Variants in GLYATL2 observed in about 807,000 individuals in gnomAD.
GLYATL2 encodes the protein glycine-N-acyltransferase like 2.
A neutral mutation model predicts 21.4 loss-of-function variants in GLYATL2; 25 were observed. That is an observed-to-expected ratio of 1.17 (90% CI 0.85 to 1.63). The LOEUF (loss-of-function observed/expected upper bound fraction) is 1.63. Among genes scored for constraint, GLYATL2 ranks in the 40% most tolerant of loss-of-function variants. GLYATL2 has a pLI of 0.00. For missense variants in GLYATL2, 361 were observed against 343.3 expected, an observed-to-expected ratio of 1.05 and a Z score of -0.41; for synonymous variants, 114 against 118.2, an observed-to-expected ratio of 0.96 and a Z score of 0.23.
chr11:58,858,868 T>C (rs1371007203), intron 1 of GLYATL2, among the ~76,000 whole-genome samples: 2 of 152,208 alleles, frequency 1.3e-5, no homozygotes, highest in Non-Finnish European at 2.9e-5. Context: ...CTTGCTTTTC[T>C]GAGTCAGATT....
chr11:58,893,039 A>G (rs190778250), intron 1 of GLYATL2: 14 of 363,406 alleles, frequency 3.9e-5, no homozygotes, highest in South Asian at 1.8e-4. Context: ...TTTGTTTTCT[A>G]TAGTAAAACT....
upstream of GLYATL2, among the ~76,000 whole-genome samples, chr11:58,849,489 G>T (rs1853702115): frequency 6.6e-6 from 1 of 151,994 alleles, no homozygotes; most frequent in Admixed American, 6.6e-5. Context: ...CACCAAGATT[G>T]AACGAGGTCA....
intron 1 of GLYATL2, among the ~76,000 whole-genome samples, chr11:58,884,473 GA>G (rs1251680410): frequency 6.6e-6 from 1 of 152,138 alleles, no homozygotes; most frequent in Non-Finnish European, 1.5e-5. Flanking sequence ...TTGCTTCAAA[GA>G]GAATAAAATA....
chr11:58,895,837 A>G (rs1310466773), intron 1 of GLYATL2, among the ~76,000 whole-genome samples: 1 of 151,800 alleles, frequency 6.6e-6, no homozygotes, highest in East Asian at 1.9e-4. Context: ...GAAGCCAGGC[A>G]TATTCAACAT....
chr11:58,881,068 G>C (rs919982048), intron 1 of GLYATL2, among the ~76,000 whole-genome samples: 1 of 151,692 alleles, frequency 6.6e-6, no homozygotes, highest in Non-Finnish European at 1.5e-5. Context: ...TTACATCATT[G>C]GATTTAATTG....
rs773824143 is a variant in GLYATL2, at chr11:58,834,396, A to G, written c.*33T>C. Reference sequence around the variant, plus strand: ...TGTTTGAATTAATGTTTTTTTACTGATAAGAAAGATTTGAAATGGACAGTG... The same window carrying G: ...TGTTTGAATTAATGTTTTTTTACTGGTAAGAAAGATTTGAAATGGACAGTG... On this transcript the variant is annotated 3_prime_UTR_variant, in exon 6 of 6. Transcript: ENST00000287275. 7 of 1,514,266 alleles carry G rather than the reference A, an allele frequency of 4.6e-6. No individual in the cohort carries two copies. Among genetic ancestry groups the G allele is most frequent in the African/African-American group, 4.2e-5 (3 of 71,538 alleles). The allele number at this position is 1,514,266 out of a possible 1,614,324, so 93.8% of individuals were successfully genotyped here. A position where few individuals can be genotyped will look rare whatever the true frequency, so the allele number is the denominator to read the frequency against.
At chr11:58,899,708 A>G (rs954010764) in intron 1 of GLYATL2, among the ~76,000 whole-genome samples, 1 of 152,202 alleles carries the variant, frequency 6.6e-6, no homozygotes, top group African/African-American at 2.4e-5. Flanking sequence ...AAGATGGTCC[A>G]CTAGGGTGAA....
chr11:58,881,326 G>C (rs946733712), intron 1 of GLYATL2, among the ~76,000 whole-genome samples: 1 of 152,182 alleles, frequency 6.6e-6, no homozygotes, highest in African/African-American at 2.4e-5. Flanking sequence ...ACCAGCCTAA[G>C]CTTTGAAACT....
At chr11:58,835,486 T>G (rs1020542323) in intron 5 of GLYATL2, among the ~76,000 whole-genome samples, 1 of 152,192 alleles carries the variant, frequency 6.6e-6, no homozygotes, top group Non-Finnish European at 1.5e-5. Context: ...TTTTCTTGCT[T>G]GTGAAATTAC....
At chr11:58,894,515 ATCTAGATTTAAAAAAAC>A (rs1854603460) in intron 1 of GLYATL2, among the ~76,000 whole-genome samples, 1 of 146,418 alleles carries the variant, frequency 6.8e-6, no homozygotes, top group African/African-American at 2.5e-5. Context: ...CTTTCTGATA[ATCTAGATTTAAAAAAAC>A]AAAGGAAATC....
chr11:58,857,031 A>G (rs1853840445), intron 1 of GLYATL2, among the ~76,000 whole-genome samples: 1 of 152,188 alleles, frequency 6.6e-6, no homozygotes, highest in Non-Finnish European at 1.5e-5. Context: ...TTTCCTTTAA[A>G]CATATATGCA....
chr11:58,864,963 C>T (rs1308592328), intron 1 of GLYATL2, among the ~76,000 whole-genome samples: 1 of 148,974 alleles, frequency 6.7e-6, no homozygotes, highest in East Asian at 2.2e-4. Flanking sequence ...CAAACACACA[C>T]ATATATACAC....
intron 1 of GLYATL2, among the ~76,000 whole-genome samples, chr11:58,854,130 G>A (rs983716793): frequency 4.6e-5 from 7 of 152,272 alleles, no homozygotes; most frequent in South Asian, 2.1e-4. Flanking sequence ...TCAAATGACC[G>A]AATTTCCTTC....
intron 1 of GLYATL2, among the ~76,000 whole-genome samples, chr11:58,875,828 T>A (rs1258694465): frequency 6.6e-6 from 1 of 152,244 alleles, no homozygotes; most frequent in East Asian, 1.9e-4. Flanking sequence ...TGAATCTGAA[T>A]GTTGGCCTGC....
At chr11:58,879,048 G>A (rs1315323355) in intron 1 of GLYATL2, among the ~76,000 whole-genome samples, 1 of 152,086 alleles carries the variant, frequency 6.6e-6, no homozygotes, top group Non-Finnish European at 1.5e-5. Flanking sequence ...GACATGGGGA[G>A]GTTTTTCCTC....
intron 1 of GLYATL2, among the ~76,000 whole-genome samples, chr11:58,844,171 T>G (rs560065068): frequency 6.6e-6 from 1 of 152,126 alleles, no homozygotes; most frequent in Non-Finnish European, 1.5e-5. Context: ...ACAAGCATAT[T>G]GATAACTTAT....
chr11:58,857,327 C>T (rs576050), intron 1 of GLYATL2, among the ~76,000 whole-genome samples: 134,977 of 152,136 alleles, frequency 0.89, 61,039 homozygotes, highest in Non-Finnish European at 0.98. Context: ...TGAGAAATGT[C>T]TATTCAAGAT....
At chr11:58,907,253 G>T (rs1010317859), upstream of GLYATL2, 1 of 456,140 alleles carries the variant, frequency 2.2e-6, no homozygotes, top group African/African-American at 2.0e-5. Context: ...CACCCGCCAG[G>T]TTTGTGGCCT....
chr11:58,851,659 TGA>T (rs1853743388), intron 1 of GLYATL2, among the ~76,000 whole-genome samples: 1 of 152,216 alleles, frequency 6.6e-6, no homozygotes, highest in Non-Finnish European at 1.5e-5. Flanking sequence ...TCCAGACATC[TGA>T]GAGACATGAT....
Sources: gnomAD v4.1 joint callset for allele counts (sites outside exome capture counted in the v4.1 genomes callset) on GRCh38, gnomAD v4.1.1 for gene constraint, MANE v1.5 for transcripts, NCBI Gene and HGNC (gene_info 2026-07-23, HGNC 2026-07-21) for gene names.